The following PLEK2 variants were observed in gnomAD, a reference collection of about 807,000 sequenced individuals.
The protein encoded by PLEK2 is pleckstrin-2.
A neutral mutation model predicts 43.8 loss-of-function variants in PLEK2; 29 were observed. The observed-to-expected ratio is 0.66, with a 90% CI of 0.49 to 0.90. The LOEUF (loss-of-function observed/expected upper bound fraction) is 0.90. Ranked by LOEUF, PLEK2 falls within the 40% of genes least tolerant of loss-of-function variation. The probability of loss-of-function intolerance (pLI) is 0.00; values close to 1 mark genes in which losing one functional copy is unlikely to be tolerated. For synonymous variants in PLEK2, 162 were observed against 173.2 expected (o/e 0.94, Z 0.51); for missense variants, 398 against 448.1 (o/e 0.89, Z 1.01).
At chr14:67,408,284 C>T (rs989420933) in intron 1 of PLEK2, among the ~76,000 whole-genome samples, 4 of 105,194 alleles carry the variant, frequency 3.8e-5, no homozygotes, top group African/African-American at 1.8e-4. Flanking sequence ...AAAATTCGGT[C>T]TCAAAATAAA....
intron 3 of PLEK2, 151 bp downstream of exon 3, chr14:67,395,251 C>G: frequency 1.6e-6 from 1 of 644,390 alleles, no homozygotes. Flanking sequence ...ATAATATACA[C>G]AGGACAGGAA....
chr14:67,410,064 G>C (rs932475849), intron 1 of PLEK2, among the ~76,000 whole-genome samples: 22 of 152,032 alleles, frequency 1.4e-4, no homozygotes, highest in Non-Finnish European at 2.8e-4. Flanking sequence ...TCTTTTCCAA[G>C]GGCTTACGGG....
chr14:67,392,145 G>A (rs1015266723), intron 6 of PLEK2, among the ~76,000 whole-genome samples, 181 bp downstream of exon 6: 5 of 152,218 alleles, frequency 3.3e-5, no homozygotes, highest in Non-Finnish European at 7.3e-5. Flanking sequence ...GTGTGTGAGT[G>A]TGGGCATATG....
intron 2 of PLEK2, among the ~76,000 whole-genome samples, chr14:67,396,944 CT>C (rs72102932): frequency 1.8e-3 from 250 of 139,264 alleles, no homozygotes; most frequent in Middle Eastern, 7.4e-3. Flanking sequence ...TATTGGGAGA[CT>C]TTTTTTTTTT....
intron 1 of PLEK2, among the ~76,000 whole-genome samples, chr14:67,403,120 G>A (rs182847252): frequency 1.1e-4 from 17 of 152,332 alleles, no homozygotes; most frequent in Non-Finnish European, 2.4e-4. Flanking sequence ...TATTTTAACT[G>A]GGGTGAGATG....
intron 1 of PLEK2, 63 bp from the exon 2 acceptor site, chr14:67,397,889 G>C: frequency 1.4e-6 from 2 of 1,379,934 alleles, no homozygotes; most frequent in Non-Finnish European, 2.0e-6. Context: ...TGTTCAGGGA[G>C]GGGGTGTCTG....
rs2085959495 is a variant in PLEK2, at chr14:67,390,667, G to A, written c.851C>T (p.Ser284Phe). 1 of 1,608,832 alleles carries A rather than the reference G, an allele frequency of 6.2e-7. No homozygotes were observed. Among genetic ancestry groups the A allele is most frequent in the Admixed American group, 1.7e-5 (1 of 60,002 alleles). The change falls in exon 7 of 9, where the codon TCC (serine) becomes TTC (phenylalanine). Residue 284 changes from serine to phenylalanine, a missense_variant. Ser to Phe is a radical substitution (Grantham distance 155, BLOSUM62 -2). Transcript: ENST00000216446. ...DPAFLHYYDP[S>F]KEENRPVGGF... ...GGAGCCAGCATGCGCACTCACTTTG[G>A]AAGGGTCATAGTAATGCAGGAAAGC...
rs1249885695 is a variant in PLEK2 at position 67,392,391 on chromosome 14, C to T, written c.706G>A (p.Glu236Lys). The part of the protein sequence containing the change: ...SYKKKISPKE[E>K]ISLSTVELSG... ...AACTCCACAGTGCTCAGGCTAATTT[C>T]TTCCTTGGGGCTTATCTTCTTTTTG... The change falls in exon 6 of 9, where the codon GAA becomes AAA. Residue 236 changes from glutamate to lysine, a missense_variant. Glu to Lys is a moderately conservative substitution (Grantham distance 56, BLOSUM62 1). Transcript: ENST00000216446. The T allele has an allele frequency of 3.1e-6, 5 of 1,614,022 alleles. No individual in the cohort carries two copies. In the East Asian group the frequency reaches 8.9e-5, roughly 29 times the overall value.
At chr14:67,398,334 C>T (rs2086025647) in intron 1 of PLEK2, among the ~76,000 whole-genome samples, 1 of 152,126 alleles carries the variant, frequency 6.6e-6, no homozygotes, top group Non-Finnish European at 1.5e-5. Flanking sequence ...AAGTGATCCT[C>T]CCACCTCAGA....
chr14:67,390,692 C>T lies in PLEK2; in HGVS notation c.826G>A (p.Ala276Thr). ...VRRFVLRKDP[A>T]FLHYYDPSKE... ...GAAGGGTCATAGTAATGCAGGAAAG[C>T]TGGATCCTTCCTTAGAACAAAGCGA... is the stretch of plus-strand genomic sequence containing the variant. The change falls in exon 7 of 9, where the codon GCT (alanine) becomes ACT (threonine). Residue 276 changes from alanine to threonine, a missense_variant. Ala to Thr is a moderately conservative substitution (Grantham distance 58). Coordinates refer to ENST00000216446, the MANE Select transcript of PLEK2 (RefSeq NM_016445.3). 6.2e-7 allele frequency: 1 copy of T among 1,613,564 alleles called. No individual in the cohort carries two copies. The highest frequency in any genetic ancestry group is 8.5e-7 in the Non-Finnish European group (1 of 1,179,458).
Position 67,397,661 on chromosome 14 carries a change from C to G in PLEK2, c.207+1G>C, listed in dbSNP as rs778322274. 11 of 1,608,264 alleles carry G rather than the reference C, an allele frequency of 6.8e-6. No individual in the cohort carries two copies. In the African/African-American group the frequency reaches 1.2e-4, roughly 18 times the overall value. ...GCTGGACAGCAGGGGCCATCACTTA[C>G]CGGTCGGTTTTCATACTCCAGGCAG... On this transcript the variant is annotated splice_donor_variant, in intron 2 of 8. Transcript: ENST00000216446. LOFTEE classifies it high-confidence loss of function.
chr14:67,392,656 A>G lies in PLEK2; in HGVS notation c.669+6T>C. 1 of 1,606,508 alleles carries G rather than the reference A, an allele frequency of 6.2e-7. No individual in the cohort carries two copies. Among genetic ancestry groups the G allele is most frequent in the Non-Finnish European group, 8.5e-7 (1 of 1,174,700 alleles). ...GGTGGCAAGAAGAACCCACTCCCCA[A>G]CTTACAAAAGTGTACAGGGCTGTGG... On this transcript the variant is annotated splice_donor_region_variant and intron_variant, in intron 5 of 8. Transcript: ENST00000216446.
chr14:67,403,379 CAG>C (rs1300822637), intron 1 of PLEK2, among the ~76,000 whole-genome samples: 1 of 152,182 alleles, frequency 6.6e-6, no homozygotes, highest in East Asian at 1.9e-4. Context: ...AGGTGGCAAA[CAG>C]AGTCAGCAGT....
At chr14:67,406,979 G>C (rs944589852) in intron 1 of PLEK2, among the ~76,000 whole-genome samples, 1 of 152,144 alleles carries the variant, frequency 6.6e-6, no homozygotes, top group Non-Finnish European at 1.5e-5. Flanking sequence ...GCTGAAGCAG[G>C]GGGTGCTTGG....
At chr14:67,393,413 TTGAAG>T (rs762063243) in intron 3 of PLEK2, among the ~76,000 whole-genome samples, 172 bp from the exon 4 acceptor site, 2 of 152,190 alleles carry the variant, frequency 1.3e-5, no homozygotes, top group Non-Finnish European at 2.9e-5. Context: ...TGATGCCATC[TTGAAG>T]TGAAGCCGCC....
At chr14:67,411,136 CAAAAAAAAAAAA>C (rs925514488) in intron 1 of PLEK2, among the ~76,000 whole-genome samples, 1 of 52,072 alleles carries the variant, frequency 1.9e-5, no homozygotes, top group African/African-American at 7.2e-5. Context: ...GACCCTGTCT[CAAAAAAAAAAAA>C]AAAAAAAAAA....
intron 1 of PLEK2, among the ~76,000 whole-genome samples, chr14:67,411,015 T>C (rs2086111605): frequency 6.6e-6 from 1 of 151,314 alleles, no homozygotes. Flanking sequence ...GGCATAGTAG[T>C]GGATACCTGT....
intron 1 of PLEK2, among the ~76,000 whole-genome samples, chr14:67,408,124 T>C (rs1310267854): frequency 1.4e-4 from 22 of 151,784 alleles, no homozygotes; most frequent in Non-Finnish European, 4.4e-5. Flanking sequence ...ACGTCTCTAC[T>C]AAAAATACAA....
chr14:67,404,729 G>A (rs2086068363), intron 1 of PLEK2, among the ~76,000 whole-genome samples: 1 of 151,948 alleles, frequency 6.6e-6, no homozygotes, highest in East Asian at 1.9e-4. Flanking sequence ...AGGATCATTT[G>A]AGCCTGGGAG....
Sources: gnomAD v4.1 joint callset for allele counts (sites outside exome capture counted in the v4.1 genomes callset) on GRCh38, gnomAD v4.1.1 for gene constraint, MANE v1.5 for transcripts, NCBI Gene and HGNC (gene_info 2026-07-23, HGNC 2026-07-21) for gene names.